Variants in RBPJ observed in about 807,000 individuals in gnomAD.
RBPJ encodes recombination signal binding protein for immunoglobulin kappa J region.
RBPJ carries 9 observed loss-of-function variants against 67.8 expected under a neutral mutation model. The ratio of observed to expected loss-of-function variants is 0.13; its 90% confidence interval spans 0.08 to 0.23. The LOEUF (loss-of-function observed/expected upper bound fraction) is 0.23, where lower values mean the gene tolerates loss of function less well. Among genes scored for constraint, RBPJ ranks in the 10% least tolerant of loss-of-function variants. The probability of loss-of-function intolerance (pLI) is 1.00; values close to 1 mark genes in which losing one functional copy is unlikely to be tolerated. For synonymous variants in RBPJ, 198 were observed against 203.3 expected (o/e 0.97, Z 0.22); for missense variants, 305 against 595.6 (o/e 0.51, Z 5.08).
intron 1 of RBPJ, among the ~76,000 whole-genome samples, chr4:26,249,155 G>A (rs111805693): frequency 2.2e-3 from 330 of 152,284 alleles, no homozygotes; most frequent in African/African-American, 7.6e-3. Flanking sequence ...GAAAGCAAAA[G>A]CGGGCAAAGT....
At chr4:26,133,049 C>A in the RBPJ span, among the ~76,000 whole-genome samples, 1 of 152,232 alleles carries the variant, frequency 6.6e-6, no homozygotes. Context: ...GCTTCAGCTC[C>A]ACCTTGAGGC....
chr4:26,160,713 G>A (rs1402881246), upstream of RBPJ, among the ~76,000 whole-genome samples: 2 of 152,072 alleles, frequency 1.3e-5, no homozygotes, highest in Non-Finnish European at 2.9e-5. Flanking sequence ...GAAAGAGTGT[G>A]GGTGAATCAG....
At chr4:26,343,146 GTTA>G (rs1725720858) in intron 1 of RBPJ, 4 of 152,174 alleles carry the variant, frequency 2.6e-5, no homozygotes, top group African/African-American at 4.8e-5. Flanking sequence ...TTCTGTGTTT[GTTA>G]TTGTGAATCC....
intron 1 of RBPJ, among the ~76,000 whole-genome samples, chr4:26,294,021 G>C (rs911352535): frequency 2.6e-5 from 4 of 152,092 alleles, no homozygotes; most frequent in Non-Finnish European, 5.9e-5. Context: ...ACCTCCCAAA[G>C]TGCTGGGATT....
chr4:26,256,600 A>AT (rs1274511187), intron 1 of RBPJ, among the ~76,000 whole-genome samples: 31 of 152,226 alleles, frequency 2.0e-4, no homozygotes, highest in African/African-American at 6.8e-4. Flanking sequence ...TTGAACTTAC[A>AT]TCATCCCTTA....
At position 26,349,223 on chromosome 4, in the gene RBPJ, A is replaced by G. The variant is rs113807459; in HGVS notation, c.20+28175A>G. On this transcript the variant is annotated intron_variant, in intron 1 of 10. Transcript: ENST00000355476. ...GCTGGCACTACAGGTATGAGCCACC[A>G]TGCCTGGATAATGTTTTTAAAATTT... Among the ~76,000 whole-genome samples the G allele has an allele frequency of 7.2e-5, 11 of 151,926 alleles. 1 individual carries two copies. The highest frequency in any genetic ancestry group is 2.7e-4 in the African/African-American group (11 of 41,446).
the RBPJ span, among the ~76,000 whole-genome samples, chr4:26,142,070 C>T: frequency 1.1e-4 from 16 of 152,258 alleles, no homozygotes; most frequent in East Asian, 2.9e-3. Flanking sequence ...TAAGTGGCTC[C>T]GTCAGCTCTT....
At chr4:26,236,890 A>G (rs746751629) in intron 1 of RBPJ, among the ~76,000 whole-genome samples, 2 of 152,184 alleles carry the variant, frequency 1.3e-5, no homozygotes, top group Non-Finnish European at 2.9e-5. Context: ...ATGCCTGCCT[A>G]TACTAAGGCT....
intron 3 of RBPJ, among the ~76,000 whole-genome samples, chr4:26,412,531 C>T (rs1734140747): frequency 6.6e-6 from 1 of 152,194 alleles, no homozygotes; most frequent in Non-Finnish European, 1.5e-5. Context: ...TGCACCCAGC[C>T]TGGAGCATTT....
chr4:26,317,805 C>G (rs1722705469), upstream of RBPJ, among the ~76,000 whole-genome samples: 1 of 152,076 alleles, frequency 6.6e-6, no homozygotes, highest in Admixed American at 6.6e-5. Flanking sequence ...TTGTCCTTTC[C>G]TGAGATGGGG....
In RBPJ at chr4:26,329,805, A is replaced by G. The variant is rs574482527; in HGVS notation, c.20+8757A>G. 2.2e-4 allele frequency among the ~76,000 whole-genome samples: 33 copies of G among 152,068 alleles called. No homozygotes were observed. The East Asian group carries it at 5.4e-3, about 25-fold the overall frequency. On this transcript the variant is annotated intron_variant, in intron 1 of 10. Coordinates refer to ENST00000355476, the MANE Select transcript of RBPJ (RefSeq NM_015874.6). ...GCTACTTGGGAGGCTGAGGCAGGAG[A>G]ATGGCATGAACCCGGGAGGCGGAGC... is the stretch of plus-strand genomic sequence containing the variant.
chr4:26,394,217 C>T (rs1037622068), intron 2 of RBPJ, among the ~76,000 whole-genome samples: 4 of 151,916 alleles, frequency 2.6e-5, no homozygotes, highest in Non-Finnish European at 2.9e-5. Flanking sequence ...TTAGTAGAGA[C>T]GGGGTTTCAC....
chr4:26,169,777 G>T (rs943791627), intron 1 of RBPJ, among the ~76,000 whole-genome samples: 3 of 152,326 alleles, frequency 2.0e-5, no homozygotes, highest in African/African-American at 7.2e-5. Flanking sequence ...CCTGGGCAAT[G>T]GTGGGCGCCC....
intron 1 of RBPJ, among the ~76,000 whole-genome samples, chr4:26,276,690 G>GA (rs201448329): frequency 0.021 from 3,223 of 151,898 alleles, 63 homozygotes; most frequent in Middle Eastern, 0.088. Context: ...AAATGAGAAA[G>GA]AAAAAAAATC....
At chr4:26,247,810 T>C (rs149458450) in intron 1 of RBPJ, among the ~76,000 whole-genome samples, 1 of 152,328 alleles carries the variant, frequency 6.6e-6, no homozygotes, top group East Asian at 1.9e-4. Context: ...ATATTTATTT[T>C]ATAGAAACAG....
chr4:26,106,583 C>A, the RBPJ span, among the ~76,000 whole-genome samples: 1 of 152,150 alleles, frequency 6.6e-6, no homozygotes, highest in Admixed American at 6.5e-5. Flanking sequence ...GAGCACGCAG[C>A]TTTTGCAGGA....
At chr4:26,174,060 A>T (rs1183767432) in intron 1 of RBPJ, among the ~76,000 whole-genome samples, 1 of 152,228 alleles carries the variant, frequency 6.6e-6, no homozygotes, top group Admixed American at 6.5e-5. Flanking sequence ...CGCACTTACC[A>T]TTTAGTACTG....
At chr4:26,287,439 G>A (rs1008581425) in intron 1 of RBPJ, among the ~76,000 whole-genome samples, 3 of 151,350 alleles carry the variant, frequency 2.0e-5, no homozygotes, top group Non-Finnish European at 2.9e-5. Flanking sequence ...TGTAGTCCCA[G>A]TTACTCAGAA....
intron 1 of RBPJ, among the ~76,000 whole-genome samples, chr4:26,168,578 T>C (rs201481207): frequency 6.6e-6 from 1 of 152,096 alleles, no homozygotes; most frequent in Non-Finnish European, 1.5e-5. Flanking sequence ...GAGGAATATC[T>C]TTGTGGTGTT....
Sources: allele counts gnomAD v4.1 joint callset (sites outside exome capture counted in the v4.1 genomes callset), GRCh38; gene constraint gnomAD v4.1.1; transcripts MANE v1.5; gene names NCBI Gene and HGNC (gene_info 2026-07-23, HGNC 2026-07-21).